The following EVL variants were observed in gnomAD, a reference collection of about 807,000 sequenced individuals.
EVL encodes the protein Enah/Vasp-like, also known as ena/VASP-like protein.
EVL carries 21 observed loss-of-function variants against 59.6 expected under a neutral mutation model. That is an observed-to-expected ratio of 0.35 (90% CI 0.25 to 0.51). EVL has a LOEUF of 0.51. Among genes scored for constraint, EVL ranks in the 20% least tolerant of loss-of-function variants. The pLI is 0.97. For synonymous variants in EVL, 198 were observed against 203.5 expected (o/e 0.97, Z 0.23); for missense variants, 462 against 546.6 (o/e 0.85, Z 1.54).
intron 3 of EVL, 85 bp from the exon 4 acceptor site, chr14:100,123,454 G>T: frequency 7.5e-7 from 1 of 1,340,380 alleles, no homozygotes; most frequent in Non-Finnish European, 1.1e-6. Context: ...GCCAGAAGGT[G>T]GGCAGAGATA....
At chr14:100,120,404 A>G (rs1417254517) in intron 3 of EVL, among the ~76,000 whole-genome samples, 1 of 152,352 alleles carries the variant, frequency 6.6e-6, no homozygotes, top group Middle Eastern at 3.4e-3. Flanking sequence ...CAAGAAGCCC[A>G]GGGTCTAGTA....
chr14:100,109,752 T>TA lies in EVL; in HGVS notation c.358+12095dup, dbSNP rs1461205413. The TA allele has an allele frequency of 9.5e-6, 5 of 525,514 alleles. No homozygotes were observed. The highest frequency in any genetic ancestry group is 2.0e-5 in the Non-Finnish European group (5 of 255,142). 32.6% of individuals were successfully genotyped at this position (525,514 alleles called of 1,614,324 possible). A position where few individuals can be genotyped will look rare whatever the true frequency, so the allele number is the denominator to read the frequency against. ...ATCGCACCCGTCACCTTGGCCTACT[T>TA]ATCACCACCCCAAACAGAGGAACAC... On this transcript the variant is annotated intron_variant, in intron 3 of 13. Coordinates refer to ENST00000392920, the MANE Select transcript of EVL (RefSeq NM_016337.3). This position sits in a 1 kb window ranked among gnomAD's most constrained non-coding sequence, Gnocchi z 4.3.
At chr14:100,018,089 A>T (rs1048458860) in intron 1 of EVL, among the ~76,000 whole-genome samples, 1 of 152,368 alleles carries the variant, frequency 6.6e-6, no homozygotes, top group East Asian at 1.9e-4. Context: ...AGGCATTGGG[A>T]ATACAGAAAT....
chr14:100,055,275 A>C (rs1236327182), intron 1 of EVL, among the ~76,000 whole-genome samples: 1 of 151,454 alleles, frequency 6.6e-6, no homozygotes, highest in African/African-American at 2.4e-5. Flanking sequence ...ATCATATAAT[A>C]TGTGGCCTTT....
intron 3 of EVL, among the ~76,000 whole-genome samples, chr14:100,113,173 A>G (rs1368471733): frequency 2.6e-5 from 4 of 152,146 alleles, no homozygotes; most frequent in Non-Finnish European, 1.5e-5. Context: ...AAAATAGGCA[A>G]CGGCACAGAG....
At chr14:100,142,203 C>T (rs1445507993) in intron 13 of EVL, 2 of 157,192 alleles carry the variant, frequency 1.3e-5, no homozygotes, top group African/African-American at 4.8e-5. Flanking sequence ...TGTTGGGCTT[C>T]TGAGGTGACC....
intron 1 of EVL, among the ~76,000 whole-genome samples, chr14:100,045,267 C>G (rs1436875530): frequency 6.6e-6 from 1 of 152,222 alleles, no homozygotes; most frequent in Non-Finnish European, 1.5e-5. Context: ...TTCCTGGCAC[C>G]TCTTCCTGGT....
intron 1 of EVL, among the ~76,000 whole-genome samples, chr14:100,034,831 G>A (rs1490663202): frequency 3.3e-5 from 5 of 152,166 alleles, no homozygotes; most frequent in African/African-American, 1.2e-4. Flanking sequence ...TAATTATTGT[G>A]TTATTCTGGG....
intron 9 of EVL, 156 bp from the exon 10 acceptor site, chr14:100,137,422 G>A (rs533911747): frequency 4.3e-6 from 3 of 699,828 alleles, no homozygotes; most frequent in African/African-American, 1.8e-5. Context: ...TGAGAACAAG[G>A]TGCCAGGTTT....
At chr14:100,126,846 A>T in intron 5 of EVL, 75 bp downstream of exon 5, 3 of 1,446,414 alleles carry the variant, frequency 2.1e-6, no homozygotes, top group Non-Finnish European at 1.9e-6. Context: ...GATGAGGCCC[A>T]GGGACACACG....
intron 1 of EVL, among the ~76,000 whole-genome samples, chr14:100,055,560 A>G (rs1029094899): frequency 6.6e-6 from 1 of 152,244 alleles, no homozygotes; most frequent in African/African-American, 2.4e-5. Context: ...GATAGTTTAG[A>G]TTGGTATAGA....
At chr14:100,075,303 G>A (rs1375607804) in intron 1 of EVL, among the ~76,000 whole-genome samples, 1 of 152,250 alleles carries the variant, frequency 6.6e-6, no homozygotes, top group Non-Finnish European at 1.5e-5. Context: ...GCTCTGCACT[G>A]GAGTGCCCAG....
At chr14:99,986,162 T>C (rs1024224027) in intron 1 of EVL, among the ~76,000 whole-genome samples, 1 of 151,378 alleles carries the variant, frequency 6.6e-6, no homozygotes, top group African/African-American at 2.4e-5. Context: ...CGTGGTGGCA[T>C]GTGCCTGTAG....
intron 9 of EVL, 63 bp from the exon 10 acceptor site, chr14:100,137,515 G>T: frequency 6.4e-7 from 1 of 1,553,790 alleles, no homozygotes; most frequent in Non-Finnish European, 8.9e-7. Context: ...GTGTTTAGGG[G>T]ATTGGGGTGG....
At chr14:100,081,950 C>T (rs2062318471) in intron 1 of EVL, among the ~76,000 whole-genome samples, 1 of 152,066 alleles carries the variant, frequency 6.6e-6, no homozygotes, top group African/African-American at 2.4e-5. Flanking sequence ...AATTTAAAAC[C>T]CTGTCTCTGC....
At chr14:100,022,479 C>T (rs1445082056) in intron 1 of EVL, among the ~76,000 whole-genome samples, 2 of 152,094 alleles carry the variant, frequency 1.3e-5, no homozygotes, top group African/African-American at 2.4e-5. Context: ...AGGGTTTCAC[C>T]ATGTTGGCCA....
chr14:100,023,980 G>A (rs1342983541), intron 1 of EVL, among the ~76,000 whole-genome samples: 2 of 152,060 alleles, frequency 1.3e-5, no homozygotes, highest in Non-Finnish European at 2.9e-5. Flanking sequence ...CCCATAATCC[G>A]TCAAGCAAGA....
At chr14:100,064,288 A>T (rs1486301523), upstream of EVL, among the ~76,000 whole-genome samples, 1 of 152,164 alleles carries the variant, frequency 6.6e-6, no homozygotes, top group Non-Finnish European at 1.5e-5. Context: ...TAAACCATAA[A>T]AGTCCTTTAA....
At chr14:100,138,081 C>G (rs1300608372) in intron 11 of EVL, 1 of 549,734 alleles carries the variant, frequency 1.8e-6, no homozygotes, top group Admixed American at 3.3e-5. Flanking sequence ...TCTGGACTCA[C>G]TACGTGTGAC....
Sources: allele counts gnomAD v4.1 joint callset (sites outside exome capture counted in the v4.1 genomes callset), GRCh38; gene constraint gnomAD v4.1.1; non-coding constraint Gnocchi (gnomAD v3.1); transcripts MANE v1.5; gene names NCBI Gene and HGNC (gene_info 2026-07-23, HGNC 2026-07-21).